The following PHTF2 variants were observed in gnomAD, a reference collection of about 807,000 sequenced individuals.
PHTF2 encodes the protein putative homeodomain transcription factor 2.
A neutral mutation model predicts 101.2 loss-of-function variants in PHTF2; 60 were observed. The observed-to-expected ratio is 0.59, with a 90% CI of 0.48 to 0.73. PHTF2 has a LOEUF of 0.73. PHTF2 is among the 30% of genes least tolerant of loss of function. The pLI is 0.00. For synonymous variants in PHTF2, 311 were observed against 307.3 expected (o/e 1.01, Z -0.13); for missense variants, 747 against 908.7 (o/e 0.82, Z 2.29).
At chr7:77,949,047 A>G (rs1275986625) in intron 16 of PHTF2, among the ~76,000 whole-genome samples, 4 of 152,222 alleles carry the variant, frequency 2.6e-5, no homozygotes, top group Non-Finnish European at 5.9e-5. Flanking sequence ...AGGGTTGACC[A>G]ATAAGTTGTG....
intron 1 of PHTF2, among the ~76,000 whole-genome samples, chr7:77,814,807 G>A (rs1793730136): frequency 6.6e-6 from 1 of 152,112 alleles, no homozygotes; most frequent in South Asian, 2.1e-4. Flanking sequence ...GGGTGCGGTG[G>A]CTTAGGCCTG....
exon 7 of PHTF2, chr7:77,901,771 T>A: frequency 9.9e-6 from 15 of 1,511,920 alleles, no homozygotes; most frequent in Non-Finnish European, 1.3e-5. Context: ...GGGTCTGCAT[T>A]TGCAAAGGCA....
intron 7 of PHTF2, among the ~76,000 whole-genome samples, chr7:77,902,408 T>C (rs1413977188): frequency 3.9e-5 from 6 of 152,352 alleles, no homozygotes; most frequent in Non-Finnish European, 8.8e-5. Context: ...GTACAGGGAC[T>C]GTTACTATGC....
At chr7:77,822,763 AG>A (rs1251537261) in intron 1 of PHTF2, among the ~76,000 whole-genome samples, 2 of 152,046 alleles carry the variant, frequency 1.3e-5, no homozygotes, top group Admixed American at 1.3e-4. Context: ...GCTGCACCCT[AG>A]TACTCTCCCA....
chr7:77,929,083 A>G (rs773696805), intron 11 of PHTF2, 26 bp from the exon 11 acceptor site: 1 of 1,500,030 alleles, frequency 6.7e-7, no homozygotes, highest in Non-Finnish European at 9.3e-7. Flanking sequence ...AAATTGTATT[A>G]ATGTCAAAGA....
chr7:77,840,164 G>A lies in PHTF2; in HGVS notation c.-35-57G>A, dbSNP rs1349188412. On this transcript the variant is annotated intron_variant, in intron 1 of 19. Coordinates refer to ENST00000416283, the Ensembl canonical transcript of PHTF2. ...GAGTGCTATGTCTGCATGCTGTTCA[G>A]TCTCCTTTTGGAAGGTGGGAAATAA... 1.3e-5 allele frequency: 12 copies of A among 901,214 alleles called. No individual in the cohort carries two copies. The Admixed American group carries it at 2.1e-4, about 16-fold the overall frequency. 55.8% of individuals were successfully genotyped at this position (901,214 alleles called of 1,614,324 possible). A position where few individuals can be genotyped will look rare whatever the true frequency, so the allele number is the denominator to read the frequency against.
exon 3 of PHTF2, chr7:77,854,782 C>T (rs1380164080): frequency 1.3e-6 from 1 of 749,138 alleles, no homozygotes; most frequent in Non-Finnish European, 2.4e-6. Context: ...CAAGTACTGC[C>T]TGGCTACTGC....
chr7:77,942,657 T>G (rs1244120627), intron 15 of PHTF2, 43 bp from the exon 15 acceptor site: 1 of 1,092,158 alleles, frequency 9.2e-7, no homozygotes, highest in Admixed American at 2.2e-5. Context: ...AGTAAATATA[T>G]TTTAAAATGT....
At chr7:77,874,236 G>C (rs1391144037) in intron 3 of PHTF2, among the ~76,000 whole-genome samples, 1 of 152,094 alleles carries the variant, frequency 6.6e-6, no homozygotes. Context: ...ATTAGAAATA[G>C]AGTCCTTAGC....
intron 5 of PHTF2, among the ~76,000 whole-genome samples, chr7:77,897,019 A>C (rs1431852601): frequency 1.3e-5 from 2 of 152,222 alleles, no homozygotes; most frequent in African/African-American, 4.8e-5. Context: ...TTATAACTAA[A>C]AACTTTGATT....
In PHTF2 at chr7:77,876,921, A is replaced by G. The variant is rs114126648; in HGVS notation, c.148-16687A>G. Among the ~76,000 whole-genome samples, 802 of 152,224 alleles carry G rather than the reference A, an allele frequency of 5.3e-3. 7 individuals carry two copies. The highest frequency in any genetic ancestry group is 0.018 in the African/African-American group (745 of 41,536). On this transcript the variant is annotated intron_variant, in intron 3 of 19. Transcript: ENST00000416283. ...AGATAACACTTATCAAAAATTCCAAATAATTTTGAATTGAGTAATGTTAAA... is the reference window on the plus strand; with the variant it reads ...AGATAACACTTATCAAAAATTCCAAGTAATTTTGAATTGAGTAATGTTAAA...
intron 11 of PHTF2, among the ~76,000 whole-genome samples, chr7:77,925,290 T>C (rs1198230654): frequency 6.6e-6 from 1 of 152,206 alleles, no homozygotes; most frequent in African/African-American, 2.4e-5. Flanking sequence ...TCTCATTATA[T>C]GTTCAGTTTT....
intron 9 of PHTF2, among the ~76,000 whole-genome samples, chr7:77,919,415 A>G (rs994608667): frequency 1.6e-4 from 25 of 152,196 alleles, no homozygotes; most frequent in African/African-American, 6.0e-4. Flanking sequence ...TTATTTAAAT[A>G]TAATTGCTTT....
chr7:77,929,135 C>T (rs1247586109), exon 12 of PHTF2: 1 of 1,613,578 alleles, frequency 6.2e-7, no homozygotes, highest in Non-Finnish European at 8.5e-7. Context: ...GTACTAGTTG[C>T]AGCTCTCGCT....
intron 17 of PHTF2, among the ~76,000 whole-genome samples, chr7:77,950,082 G>T (rs1336128502): frequency 1.3e-5 from 2 of 152,148 alleles, no homozygotes; most frequent in African/African-American, 4.8e-5. Context: ...TTAAATTAAT[G>T]TATTTTAAAC....
intron 2 of PHTF2, among the ~76,000 whole-genome samples, chr7:77,851,930 A>G (rs1350364650): frequency 1.3e-5 from 2 of 152,098 alleles, no homozygotes; most frequent in Admixed American, 1.3e-4. Context: ...ATTTGTTTCA[A>G]TAATTTTTTA....
At chr7:77,834,805 T>C (rs187418138) in intron 1 of PHTF2, among the ~76,000 whole-genome samples, 1 of 152,338 alleles carries the variant, frequency 6.6e-6, no homozygotes, top group East Asian at 1.9e-4. Context: ...TATATTACAG[T>C]GTACTGAGTA....
chr7:77,885,806 C>T (rs1163115998), intron 3 of PHTF2, among the ~76,000 whole-genome samples: 2 of 152,192 alleles, frequency 1.3e-5, no homozygotes, highest in Admixed American at 6.5e-5. Flanking sequence ...TATCCTGGCA[C>T]ATGATTGGCC....
At chr7:77,814,614 C>T (rs1446865200) in intron 1 of PHTF2, among the ~76,000 whole-genome samples, 8 of 151,400 alleles carry the variant, frequency 5.3e-5, no homozygotes, top group Admixed American at 4.0e-4. Context: ...CTGGTTCAAG[C>T]GATTCTTCTG....
Sources: allele counts gnomAD v4.1 joint callset (sites outside exome capture counted in the v4.1 genomes callset), GRCh38; gene constraint gnomAD v4.1.1; transcripts MANE v1.5; gene names NCBI Gene and HGNC (gene_info 2026-07-23, HGNC 2026-07-21).